CCDC7: variants seen among roughly 807,000 people sequenced by gnomAD.
CCDC7 encodes the protein coiled-coil domain containing 7, also known as coiled-coil domain-containing protein 7.
CCDC7 carries 183 observed loss-of-function variants against 196.9 expected under a neutral mutation model. The observed-to-expected ratio is 0.93, with a 90% CI of 0.82 to 1.05. The LOEUF (loss-of-function observed/expected upper bound fraction) is 1.05. Ranked by LOEUF, CCDC7 falls within the 50% of genes least tolerant of loss-of-function variation. The pLI is 0.00. For synonymous variants in CCDC7, 525 were observed against 484.6 expected (o/e 1.08, Z -1.10); for missense variants, 1,540 against 1,482.2 (o/e 1.04, Z -0.64).
chr10:32,537,063 T>G (rs2050628714), intron 11 of CCDC7, among the ~76,000 whole-genome samples: 1 of 152,174 alleles, frequency 6.6e-6, no homozygotes, highest in South Asian at 2.1e-4. Context: ...TTAAGTTCTT[T>G]GAGGAATCAC....
At chr10:32,785,786 T>A (rs907938748) in intron 29 of CCDC7, among the ~76,000 whole-genome samples, 3 of 152,204 alleles carry the variant, frequency 2.0e-5, no homozygotes, top group African/African-American at 7.2e-5. Flanking sequence ...TCTTCATCTC[T>A]CTTTATGAGT....
At chr10:32,770,664 C>G (rs541757096) in intron 28 of CCDC7, among the ~76,000 whole-genome samples, 2 of 152,080 alleles carry the variant, frequency 1.3e-5, no homozygotes, top group Non-Finnish European at 2.9e-5. Context: ...TCCGTTGTTT[C>G]TCTGTTGACT....
At chr10:32,609,028 T>C (rs1219235068) in intron 18 of CCDC7, among the ~76,000 whole-genome samples, 1 of 152,222 alleles carries the variant, frequency 6.6e-6, no homozygotes, top group Admixed American at 6.5e-5. Context: ...TTTTGTAGCC[T>C]AAGATATGAT....
At chr10:32,576,403 A>T (rs2058195816) in intron 16 of CCDC7, among the ~76,000 whole-genome samples, 1 of 151,998 alleles carries the variant, frequency 6.6e-6, no homozygotes. Flanking sequence ...CCATGGTAAG[A>T]GGGGCCCTTG....
chr10:32,500,671 G>A (rs1005588700), intron 9 of CCDC7, among the ~76,000 whole-genome samples: 10 of 152,276 alleles, frequency 6.6e-5, no homozygotes, highest in Admixed American at 4.6e-4. Context: ...CTGCAATCTC[G>A]GCACTTTGGG....
chr10:32,548,412 G>A (rs1353687096), intron 13 of CCDC7, among the ~76,000 whole-genome samples: 1 of 152,164 alleles, frequency 6.6e-6, no homozygotes, highest in East Asian at 1.9e-4. Context: ...GGTGACTCAA[G>A]ACGTAGCAGG....
chr10:32,567,847 T>A (rs1190137707), exon 15 of CCDC7: 1 of 1,613,494 alleles, frequency 6.2e-7, no homozygotes. Flanking sequence ...GGTTTCAGAT[T>A]CAGGTGGACA....
At chr10:32,810,573 A>G (rs953528503) in intron 30 of CCDC7, among the ~76,000 whole-genome samples, 1 of 152,154 alleles carries the variant, frequency 6.6e-6, no homozygotes, top group African/African-American at 2.4e-5. Flanking sequence ...ATAGCTAGAA[A>G]CTTCAACACC....
upstream of CCDC7, among the ~76,000 whole-genome samples, chr10:32,449,869 A>G (rs1047085272): frequency 1.3e-5 from 2 of 152,204 alleles, no homozygotes; most frequent in Non-Finnish European, 2.9e-5. Flanking sequence ...TCCTTCCATC[A>G]TGTGAGGACA....
chr10:32,711,004 A>T (rs1229695810), intron 24 of CCDC7, among the ~76,000 whole-genome samples: 1 of 152,170 alleles, frequency 6.6e-6, no homozygotes, highest in Non-Finnish European at 1.5e-5. Flanking sequence ...ATGGGAGGGT[A>T]ACTTCTCACT....
chr10:32,765,361 G>C (rs965029997), intron 28 of CCDC7, among the ~76,000 whole-genome samples: 16 of 151,978 alleles, frequency 1.1e-4, no homozygotes, highest in Middle Eastern at 3.2e-3. Flanking sequence ...AGGAAACTAT[G>C]GAGGGCAAGT....
chr10:32,599,090 T>C (rs1371803864), intron 18 of CCDC7, among the ~76,000 whole-genome samples: 1 of 152,238 alleles, frequency 6.6e-6, no homozygotes, highest in Admixed American at 6.5e-5. Context: ...TTTGGGACTC[T>C]GCTGTTTGTT....
intron 13 of CCDC7, among the ~76,000 whole-genome samples, chr10:32,556,271 G>A (rs2136448150): frequency 6.6e-6 from 1 of 152,118 alleles, no homozygotes; most frequent in East Asian, 1.9e-4. Flanking sequence ...ATATAGACTA[G>A]GCTGCTATAA....
intron 41 of CCDC7, among the ~76,000 whole-genome samples, chr10:32,861,596 T>C (rs2093986161): frequency 6.6e-6 from 1 of 152,190 alleles, no homozygotes; most frequent in East Asian, 1.9e-4. Context: ...CTAGAGCTTC[T>C]GCACAGCAAA....
At chr10:32,485,499 T>C (rs950835111) in intron 8 of CCDC7, among the ~76,000 whole-genome samples, 2 of 152,250 alleles carry the variant, frequency 1.3e-5, no homozygotes, top group Non-Finnish European at 2.9e-5. Flanking sequence ...TTTCCTTCAG[T>C]TCTGCTCTGA....
intron 14 of CCDC7, 63 bp from the exon 16 acceptor site, chr10:32,567,607 G>A: frequency 6.7e-7 from 1 of 1,494,350 alleles, no homozygotes; most frequent in East Asian, 2.4e-5. Context: ...ATTCCTGAAT[G>A]TGGTAGTATT....
At chr10:32,815,597 T>C (rs1015255324) in intron 31 of CCDC7, among the ~76,000 whole-genome samples, 2 of 152,134 alleles carry the variant, frequency 1.3e-5, no homozygotes, top group Non-Finnish European at 2.9e-5. Flanking sequence ...GAAAATTGGC[T>C]GAATACTTTG....
intron 25 of CCDC7, among the ~76,000 whole-genome samples, chr10:32,723,330 G>T (rs1293553245): frequency 6.6e-6 from 1 of 152,126 alleles, no homozygotes; most frequent in Non-Finnish European, 1.5e-5. Flanking sequence ...TTTGTCATCA[G>T]TTAATATCTG....
At chr10:32,533,495 T>C (rs2135937722) in intron 11 of CCDC7, among the ~76,000 whole-genome samples, 1 of 152,250 alleles carries the variant, frequency 6.6e-6, no homozygotes, top group Non-Finnish European at 1.5e-5. Flanking sequence ...AGGCGTTTTA[T>C]ACCTGGAAAA....
Sources: allele counts gnomAD v4.1 joint callset (sites outside exome capture counted in the v4.1 genomes callset), GRCh38; gene constraint gnomAD v4.1.1; transcripts MANE v1.5; gene names NCBI Gene and HGNC (gene_info 2026-07-23, HGNC 2026-07-21).